Variants in ALG14 observed in about 807,000 individuals in gnomAD.
ALG14 encodes UDP-N-acetylglucosamine transferase subunit ALG14.
In ALG14, 17 loss-of-function variants were observed where a neutral mutation model predicts 22.8. That is an observed-to-expected ratio of 0.75 (90% confidence interval 0.51 to 1.12). The LOEUF is 1.12. Among genes scored for constraint, ALG14 ranks in the 50% most tolerant of loss-of-function variants. ALG14 has a pLI of 0.00. For synonymous variants in ALG14, 89 were observed against 103.7 expected (o/e 0.86, Z 0.86); for missense variants, 288 against 271.8 (o/e 1.06, Z -0.42).
At chr1:95,018,520 A>G (rs1163500071) in intron 3 of ALG14, among the ~76,000 whole-genome samples, 1 of 152,262 alleles carries the variant, frequency 6.6e-6, no homozygotes, top group South Asian at 2.1e-4. Flanking sequence ...TGGGTGACAG[A>G]GCAAGATTCT....
At position 94,983,474 on chromosome 1, in the gene ALG14, C is replaced by T. The variant is rs1245098212; in HGVS notation, c.421-168G>A. 4.5e-5 allele frequency: 28 copies of T among 626,660 alleles called. No homozygotes were observed. The East Asian group carries it at 6.9e-4, about 15-fold the overall frequency. The allele number at this position is 626,660 out of a possible 1,614,324, so 38.8% of individuals were successfully genotyped here. On this transcript the variant is annotated intron_variant, in intron 3 of 3. Coordinates refer to ENST00000370205, the MANE Select transcript of ALG14 (RefSeq NM_144988.4). ...AACAGCGCATGTTTAAGCCCATGCACTTTGGAGCCAGGCAGAGCTGTGTTG... is the reference window on the plus strand; with the variant it reads ...AACAGCGCATGTTTAAGCCCATGCATTTTGGAGCCAGGCAGAGCTGTGTTG...
In ALG14 at chr1:94,999,771, A is replaced by T. The variant is rs183006936; in HGVS notation, c.421-16465T>A. On this transcript the variant is annotated intron_variant, in intron 3 of 3. Transcript: ENST00000370205. ...TGCCATTTACAATCTTATTATTTTA[A>T]CTTTAGGAAACAGCTCTCCTACTAT... Among the ~76,000 whole-genome samples the T allele has an allele frequency of 2.7e-3, 412 of 152,246 alleles. 1 individual carries two copies. The highest frequency in any genetic ancestry group is 9.6e-3 in the African/African-American group (397 of 41,558).
chr1:95,033,983 T>C (rs1674106091), intron 2 of ALG14, among the ~76,000 whole-genome samples: 2 of 152,210 alleles, frequency 1.3e-5, no homozygotes, highest in African/African-American at 4.8e-5. Context: ...GCTCCCAAGG[T>C]CCCATGTAAT....
At chr1:95,011,670 C>T (rs1673367423) in intron 3 of ALG14, among the ~76,000 whole-genome samples, 1 of 152,068 alleles carries the variant, frequency 6.6e-6, no homozygotes, top group African/African-American at 2.4e-5. Flanking sequence ...CCACCTCGGC[C>T]TCCCAAAGTG....
At chr1:95,050,820 T>C (rs192604058) in intron 2 of ALG14, among the ~76,000 whole-genome samples, 4 of 152,160 alleles carry the variant, frequency 2.6e-5, no homozygotes, top group Admixed American at 1.3e-4. Context: ...TAAGGCCCAG[T>C]TGTTAGTCTT....
chr1:95,047,737 C>T (rs942513156), intron 2 of ALG14, among the ~76,000 whole-genome samples: 4 of 152,092 alleles, frequency 2.6e-5, no homozygotes, highest in South Asian at 2.1e-4. Flanking sequence ...CCCAGAGCTT[C>T]GGGAAGCTCA....
At chr1:95,010,164 G>C (rs558809769) in intron 3 of ALG14, among the ~76,000 whole-genome samples, 1 of 152,248 alleles carries the variant, frequency 6.6e-6, no homozygotes, top group South Asian at 2.1e-4. Context: ...TACTGGTCCT[G>C]TGTTTCTTCC....
intron 1 of ALG14, among the ~76,000 whole-genome samples, chr1:95,068,715 A>C (rs1412418546): frequency 6.6e-6 from 1 of 152,164 alleles, no homozygotes; most frequent in Non-Finnish European, 1.5e-5. Context: ...TTTGATTACA[A>C]GTCTTCCTTT....
At chr1:95,067,325 T>C (rs1452175329) in intron 1 of ALG14, 1 of 152,240 alleles carries the variant, frequency 6.6e-6, no homozygotes, top group Non-Finnish European at 1.5e-5. Context: ...GATAATTGTT[T>C]CAAAACAACT....
At chr1:95,062,023 T>G (rs1329027407) in intron 2 of ALG14, 1 of 151,520 alleles carries the variant, frequency 6.6e-6, no homozygotes, top group Non-Finnish European at 1.5e-5. Context: ...TATAATGAAG[T>G]GAGCAACCAG....
In ALG14 at chr1:94,979,304, A is replaced by AG. The variant is rs1672454951; in HGVS notation, c.*3771_*3772insC. 6.7e-6 allele frequency: 1 copy of AG among 150,094 alleles called. No homozygotes were observed. Among genetic ancestry groups the AG allele is most frequent in the South Asian group, 2.1e-4 (1 of 4,756 alleles). The allele number at this position is 150,094 out of a possible 1,614,324, so 9.3% of individuals were successfully genotyped here. A position where few individuals can be genotyped will look rare whatever the true frequency, so the allele number is the denominator to read the frequency against. On this transcript the variant is annotated 3_prime_UTR_variant, in exon 4 of 4. Transcript: ENST00000370205. The stretch of plus-strand genomic sequence containing the variant: ...GAGACTGTCTCGAAAAAAAAAAAAA[A>AG]AAAAAAAAAAGAAAGAAAAAAGTGA...
intron 2 of ALG14, among the ~76,000 whole-genome samples, chr1:95,034,027 T>G (rs1387454725): frequency 6.6e-6 from 1 of 152,230 alleles, no homozygotes; most frequent in Non-Finnish European, 1.5e-5. Flanking sequence ...TTCCTCCTTG[T>G]TCATTCACTT....
intron 2 of ALG14, among the ~76,000 whole-genome samples, chr1:95,049,484 G>A (rs1674672512): frequency 6.6e-6 from 1 of 152,038 alleles, no homozygotes; most frequent in East Asian, 1.9e-4. Flanking sequence ...GCAGTGAGTC[G>A]AGATCGCACC....
At position 94,983,294 on chromosome 1, in the gene ALG14, C is replaced by T. The variant is rs773603358; in HGVS notation, c.433G>A (p.Gly145Arg). The change falls in exon 4 of 4, where the codon GGA becomes AGA. Residue 145 changes from glycine to arginine, a missense_variant. Physicochemically the swap from Gly to Arg is moderately radical, Grantham distance 125. Coordinates refer to ENST00000370205, the MANE Select transcript of ALG14 (RefSeq NM_144988.4). Reference protein sequence around the residue: ...RVKPDLVLCNGPGTCVPICVS... With the variant: ...RVKPDLVLCNRPGTCVPICVS... ...CAGATAGGAACACATGTTCCTGGTC[C>T]GTTACACAACACCTGAAAGAAAAAG... 11 of 1,613,226 alleles carry T rather than the reference C, an allele frequency of 6.8e-6. No homozygotes were observed. The highest frequency in any genetic ancestry group is 5.3e-5 in the African/African-American group (4 of 74,848).
intron 2 of ALG14, among the ~76,000 whole-genome samples, chr1:95,054,437 C>A (rs777232061): frequency 3.0e-4 from 46 of 152,012 alleles, no homozygotes; most frequent in Non-Finnish European, 4.7e-4. Flanking sequence ...CCTGAGGCCT[C>A]CCCAGAAGCA....
At chr1:95,050,656 G>C (rs1387076835) in intron 2 of ALG14, among the ~76,000 whole-genome samples, 1 of 152,164 alleles carries the variant, frequency 6.6e-6, no homozygotes, top group East Asian at 1.9e-4. Context: ...AAGGTTTGAG[G>C]AGGATGACAT....
At chr1:95,058,570 T>C (rs938458470) in intron 2 of ALG14, among the ~76,000 whole-genome samples, 4 of 135,170 alleles carry the variant, frequency 3.0e-5, no homozygotes, top group African/African-American at 1.1e-4. Context: ...TGAGCCGAGA[T>C]AGCACCACTG....
chr1:94,996,434 C>T (rs1196764513), intron 3 of ALG14, among the ~76,000 whole-genome samples: 1 of 152,236 alleles, frequency 6.6e-6, no homozygotes, highest in African/African-American at 2.4e-5. Context: ...AGGCCAATCT[C>T]TCTCATCCTG....
intron 3 of ALG14, among the ~76,000 whole-genome samples, chr1:95,020,372 G>C (rs1673627847): frequency 1.3e-5 from 2 of 152,142 alleles, no homozygotes; most frequent in South Asian, 4.2e-4. Context: ...GAGGGCCTTT[G>C]ATCTCCAGAG....
Sources: gnomAD v4.1 joint callset for allele counts (sites outside exome capture counted in the v4.1 genomes callset) on GRCh38, gnomAD v4.1.1 for gene constraint, MANE v1.5 for transcripts, NCBI Gene and HGNC (gene_info 2026-07-23, HGNC 2026-07-21) for gene names.